The following FSTL4 variants were observed in gnomAD, a reference collection of about 807,000 sequenced individuals.
The protein encoded by FSTL4 is follistatin like 4, also known as follistatin-related protein 4.
In FSTL4, 28 loss-of-function variants were observed where a neutral mutation model predicts 78.2. That is an observed-to-expected ratio of 0.36 (90% confidence interval 0.27 to 0.49). The LOEUF is 0.49. Ranked by LOEUF, FSTL4 falls within the 20% of genes least tolerant of loss-of-function variation. The pLI is 0.98. For missense variants in FSTL4, 922 were observed against 1,084.9 expected (o/e 0.85, Z 2.11); for synonymous variants, 422 against 440.5 (o/e 0.96, Z 0.53).
At chr5:133,704,928 C>A in the FSTL4 span, among the ~76,000 whole-genome samples, 2 of 152,344 alleles carry the variant, frequency 1.3e-5, no homozygotes, top group South Asian at 4.1e-4. Flanking sequence ...AACGCATTTG[C>A]CTGTTCCCTG....
chr5:133,224,087 T>G (rs1008430088), intron 11 of FSTL4, 103 bp downstream of exon 11: 45 of 846,368 alleles, frequency 5.3e-5, no homozygotes, highest in Non-Finnish European at 8.6e-5. Context: ...CCCATAGGGC[T>G]GCTTTGTGTG....
rs772612873 is a variant in FSTL4, at chr5:133,233,567, GGCC to G, written c.895-33_895-31del. The G allele has an allele frequency of 2.6e-6, 4 of 1,564,112 alleles. No individual in the cohort carries two copies. The African/African-American group carries it at 6.5e-5, about 25-fold the overall frequency. The stretch of plus-strand genomic sequence containing the variant: ...ACAGGGCAAAGATGACGATGAGACT[GGCC>G]TCTTTATTGAACGGGCTGGAAACCA... On this transcript the variant is annotated intron_variant, in intron 7 of 15. Transcript: ENST00000265342.
At chr5:133,711,379 A>G in the FSTL4 span, among the ~76,000 whole-genome samples, 1 of 152,344 alleles carries the variant, frequency 6.6e-6, no homozygotes, top group East Asian at 1.9e-4. Context: ...AAGGAAAGGC[A>G]CTAACTGGAA....
the FSTL4 span, among the ~76,000 whole-genome samples, chr5:133,761,142 A>G: frequency 6.6e-6 from 1 of 152,222 alleles, no homozygotes; most frequent in Non-Finnish European, 1.5e-5. Flanking sequence ...CTATTCTGAC[A>G]TTTCTTGCAA....
chr5:133,784,595 ATC>A, the FSTL4 span, among the ~76,000 whole-genome samples: 5 of 152,224 alleles, frequency 3.3e-5, no homozygotes, highest in African/African-American at 1.2e-4. Context: ...CAGGGATATG[ATC>A]TCTGTGTGAA....
intron 7 of FSTL4, among the ~76,000 whole-genome samples, chr5:133,241,758 TGGGAAACCTGCAACCCTCTTCCTG>T (rs1277421979): frequency 2.6e-5 from 4 of 152,162 alleles, no homozygotes; most frequent in African/African-American, 9.7e-5. Context: ...TGCTTTCCTT[TGGGAAACCTGCAACCCTCTTCCTG>T]GGGATCCTTG....
At chr5:133,758,595 A>G in the FSTL4 span, among the ~76,000 whole-genome samples, 2 of 152,374 alleles carry the variant, frequency 1.3e-5, no homozygotes, top group Non-Finnish European at 2.9e-5. Flanking sequence ...ACATTTGCCT[A>G]CAAGTAATTG....
chr5:133,779,440 G>T, the FSTL4 span, among the ~76,000 whole-genome samples: 1 of 152,076 alleles, frequency 6.6e-6, no homozygotes, highest in African/African-American at 2.4e-5. Context: ...CAAAAAATTA[G>T]CCAGGTGTGG....
chr5:133,372,860 G>A (rs926348737), intron 4 of FSTL4, among the ~76,000 whole-genome samples: 10 of 152,186 alleles, frequency 6.6e-5, no homozygotes, highest in African/African-American at 2.4e-4. Context: ...CCCAGAGGGA[G>A]GGTGACTCCT....
At chr5:133,323,819 A>G (rs1205546210) in intron 4 of FSTL4, among the ~76,000 whole-genome samples, 1 of 152,258 alleles carries the variant, frequency 6.6e-6, no homozygotes, top group Non-Finnish European at 1.5e-5. Flanking sequence ...TTTTCATGTC[A>G]GAACTTGGTA....
the FSTL4 span, among the ~76,000 whole-genome samples, chr5:133,685,081 T>C: frequency 6.6e-6 from 1 of 152,318 alleles, no homozygotes; most frequent in Middle Eastern, 3.4e-3. Flanking sequence ...TGTCCAGCCT[T>C]GGCAGGGTCA....
the FSTL4 span, among the ~76,000 whole-genome samples, chr5:133,825,283 C>T: frequency 2.0e-5 from 3 of 152,350 alleles, no homozygotes; most frequent in East Asian, 3.9e-4. Flanking sequence ...CAATCCTATG[C>T]TCAAAAGTCC....
chr5:133,771,806 C>T, the FSTL4 span, among the ~76,000 whole-genome samples: 1 of 152,078 alleles, frequency 6.6e-6, no homozygotes, highest in Non-Finnish European at 1.5e-5. Context: ...TAATGTACAT[C>T]AAGAGAGCAA....
intron 3 of FSTL4, among the ~76,000 whole-genome samples, chr5:133,480,644 G>A (rs1758008271): frequency 6.6e-6 from 1 of 151,944 alleles, no homozygotes; most frequent in Admixed American, 6.5e-5. Flanking sequence ...GGACGCGGTG[G>A]GAGCCAGGAT....
At chr5:133,735,123 C>T in the FSTL4 span, among the ~76,000 whole-genome samples, 33 of 152,216 alleles carry the variant, frequency 2.2e-4, no homozygotes, top group African/African-American at 7.5e-4. Flanking sequence ...CTGGCAAGCC[C>T]CAGAAGCACC....
intron 6 of FSTL4, among the ~76,000 whole-genome samples, chr5:133,254,278 T>C (rs1752331285): frequency 6.6e-6 from 1 of 152,244 alleles, no homozygotes; most frequent in East Asian, 1.9e-4. Context: ...ACTCACATTG[T>C]TTCTGTATGT....
chr5:133,447,741 T>C (rs1011138735), intron 3 of FSTL4, among the ~76,000 whole-genome samples: 1 of 152,230 alleles, frequency 6.6e-6, no homozygotes, highest in Non-Finnish European at 1.5e-5. Flanking sequence ...GGTTTCGCCA[T>C]GTTGGCCAGG....
At chr5:133,490,938 C>CT (rs1758254003) in intron 3 of FSTL4, among the ~76,000 whole-genome samples, 3 of 152,060 alleles carry the variant, frequency 2.0e-5, no homozygotes, top group Non-Finnish European at 4.4e-5. Flanking sequence ...CAATAGACAC[C>CT]AGAGCCTACT....
At chr5:133,200,566 G>T (rs1196706388) in intron 15 of FSTL4, among the ~76,000 whole-genome samples, 1 of 152,226 alleles carries the variant, frequency 6.6e-6, no homozygotes, top group Non-Finnish European at 1.5e-5. Flanking sequence ...GATCTAAGAG[G>T]GAACTTTAGC....
Sources: allele counts gnomAD v4.1 joint callset (sites outside exome capture counted in the v4.1 genomes callset), GRCh38; gene constraint gnomAD v4.1.1; transcripts MANE v1.5; gene names NCBI Gene and HGNC (gene_info 2026-07-23, HGNC 2026-07-21).